Variants in LRRC9 observed in about 807,000 individuals in gnomAD.
LRRC9 encodes the protein leucine-rich repeat-containing protein 9.
Under a neutral mutation model 63.2 loss-of-function variants are expected in LRRC9, and 122 were observed. That is an observed-to-expected ratio of 1.93 (90% CI 1.67 to 2.24). The LOEUF (loss-of-function observed/expected upper bound fraction) is 2.24, where lower values mean the gene tolerates loss of function less well. LRRC9 is among the 30% of genes most tolerant of loss of function. LRRC9 has a pLI of 0.00. For synonymous variants in LRRC9, 366 were observed against 213.1 expected (o/e 1.72, Z -6.25); for missense variants, 1,071 against 627.7 (o/e 1.71, Z -7.55).
Position 59,967,076 on chromosome 14 carries a change from C to A in LRRC9, c.1389-20C>A. The A allele has an allele frequency of 1.7e-6, 1 of 601,272 alleles. No individual in the cohort carries two copies. The highest frequency in any genetic ancestry group is 3.1e-6 in the Non-Finnish European group (1 of 323,052). 37.2% of individuals were successfully genotyped at this position (601,272 alleles called of 1,614,324 possible). A position where few individuals can be genotyped will look rare whatever the true frequency, so the allele number is the denominator to read the frequency against. On this transcript the variant is annotated intron_variant, in intron 11 of 31. Transcript: ENST00000445360. ...TGTGAAATCAATCCTCAAACTTTTTCTGTTTCAATTATTCTTAAGGAGCTA... is the reference window on the plus strand; with the variant it reads ...TGTGAAATCAATCCTCAAACTTTTTATGTTTCAATTATTCTTAAGGAGCTA...
In LRRC9 at chr14:59,938,948, T is replaced by C. The variant is rs796481628; in HGVS notation, c.726+376T>C. Among the ~76,000 whole-genome samples, 899 of 144,666 alleles carry C rather than the reference T, an allele frequency of 6.2e-3. 12 individuals are homozygous for C. Among genetic ancestry groups the C allele is most frequent in the African/African-American group, 0.022 (857 of 39,226 alleles). The allele number at this position is 144,666 out of a possible 152,430, so 94.9% of individuals were successfully genotyped here. On this transcript the variant is annotated intron_variant, in intron 7 of 31. Transcript: ENST00000445360. This position sits in a 1 kb window ranked among gnomAD's most constrained non-coding sequence, Gnocchi z 4.2. Reference sequence around the variant, plus strand: ...ATATATACACATATATACATATACATACATATATACACACATATATACATA... The same window carrying C: ...ATATATACACATATATACATATACACACATATATACACACATATATACATA...
At position 60,033,585 on chromosome 14, in the gene LRRC9, T is replaced by C. The variant is rs376628851; in HGVS notation, c.3990+1522T>C. 1.9e-4 allele frequency among the ~76,000 whole-genome samples: 29 copies of C among 152,282 alleles called. No individual in the cohort carries two copies. In the East Asian group the frequency reaches 5.0e-3, roughly 26 times the overall value. On this transcript the variant is annotated intron_variant, in intron 29 of 31. Transcript: ENST00000445360. The stretch of plus-strand genomic sequence containing the variant: ...ATGGTAAATTACGTTAATAGACTAG[T>C]GTTAAACCATCTTGAAATTCCTGGG...
At chr14:60,021,707 A>T (rs1348777418) in intron 26 of LRRC9, among the ~76,000 whole-genome samples, 1 of 151,832 alleles carries the variant, frequency 6.6e-6, no homozygotes. Flanking sequence ...GTATGTGGAT[A>T]TTCAGTTGTC....
At chr14:60,015,025 CAAGTT>C (rs1222300447) in intron 23 of LRRC9, among the ~76,000 whole-genome samples, 1 of 152,040 alleles carries the variant, frequency 6.6e-6, no homozygotes, top group African/African-American at 2.4e-5. Context: ...GTTCTGTCTT[CAAGTT>C]CAGTTATTCT....
At chr14:60,037,636 G>A (rs146308449) in intron 29 of LRRC9, among the ~76,000 whole-genome samples, 1 of 152,078 alleles carries the variant, frequency 6.6e-6, no homozygotes, top group African/African-American at 2.4e-5. Context: ...TTGAAAATTT[G>A]TTTAGGTTCT....
Position 59,942,716 on chromosome 14 carries a change from A to G in LRRC9, c.727-1873A>G, listed in dbSNP as rs1881910717. Reference sequence around the variant, plus strand: ...GCACTTCAGCCTGGGTGACAGAGTGAGACTCCGTCTCAAAAAAAAGAGTTC... The same window carrying G: ...GCACTTCAGCCTGGGTGACAGAGTGGGACTCCGTCTCAAAAAAAAGAGTTC... On this transcript the variant is annotated intron_variant, in intron 7 of 31. Coordinates refer to ENST00000445360, the Ensembl canonical transcript of LRRC9. This position sits in a 1 kb window ranked among gnomAD's most constrained non-coding sequence, Gnocchi z 5.3. 6.6e-6 allele frequency among the ~76,000 whole-genome samples: 1 copy of G among 152,104 alleles called. No homozygotes were observed. Among genetic ancestry groups the G allele is most frequent in the Non-Finnish European group, 1.5e-5 (1 of 68,002 alleles).
chr14:59,966,038 A>C lies in LRRC9; in HGVS notation c.1212-551A>C, dbSNP rs187914709. On this transcript the variant is annotated intron_variant, in intron 10 of 31. Transcript: ENST00000445360. This position sits in a 1 kb window ranked among gnomAD's most constrained non-coding sequence, Gnocchi z 4.0. ...ACTCAGAGGAGCAGGTTTGGGGTGC[A>C]GTGTTAGTTATGTTAGGTTGGAGTC... Among the ~76,000 whole-genome samples the C allele has an allele frequency of 2.0e-5, 3 of 151,936 alleles. No individual in the cohort carries two copies. In the East Asian group the frequency reaches 5.8e-4, roughly 29 times the overall value.
In LRRC9 at chr14:59,938,500, A is replaced by T. The variant is rs1881294220; in HGVS notation, c.654A>T (p.Leu218Phe). The T allele has an allele frequency of 1.4e-6, 1 of 697,682 alleles. No homozygotes were observed. The highest frequency in any genetic ancestry group is 2.6e-6 in the Non-Finnish European group (1 of 382,722). The allele number at this position is 697,682 out of a possible 1,614,324, so 43.2% of individuals were successfully genotyped here. The change falls in exon 7 of 32, where the codon TTA (leucine) becomes TTT (phenylalanine). Residue 218 changes from leucine to phenylalanine, a missense_variant. Leu to Phe is a conservative substitution (Grantham distance 22, BLOSUM62 0). Transcript: ENST00000445360. This position sits in a 1 kb window ranked among gnomAD's most constrained non-coding sequence, Gnocchi z 4.2. Reference sequence around the variant, plus strand: ...TGTGTAATTATTCCACACATGTATTATATCATTTGCCTTGCCTTCAAAGAT... The same window carrying T: ...TGTGTAATTATTCCACACATGTATTTTATCATTTGCCTTGCCTTCAAAGAT...
intron 29 of LRRC9, among the ~76,000 whole-genome samples, chr14:60,046,059 T>C (rs1030972453): frequency 6.6e-6 from 1 of 152,240 alleles, no homozygotes; most frequent in Non-Finnish European, 1.5e-5. Flanking sequence ...ATCAGCCTCA[T>C]GTATGTCTGC....
At chr14:59,976,044 C>T (rs1324113946) in intron 13 of LRRC9, among the ~76,000 whole-genome samples, 3 of 152,214 alleles carry the variant, frequency 2.0e-5, no homozygotes, top group Non-Finnish European at 4.4e-5. Flanking sequence ...GGGCGCGAAC[C>T]CTATTGTGAA....
At position 60,025,275 on chromosome 14, in the gene LRRC9, CT is replaced by C. The variant is rs538190229; in HGVS notation, c.3703+2415del. Reference sequence around the variant, plus strand: ...CTGGCTAATTTTTTAATTTTTCTATCTTTTTTTTTTGATAAGGGGTCTCAAT... The same window carrying C: ...CTGGCTAATTTTTTAATTTTTCTATCTTTTTTTTTGATAAGGGGTCTCAAT... On this transcript the variant is annotated intron_variant, in intron 27 of 31. Transcript: ENST00000445360. Among the ~76,000 whole-genome samples the C allele has an allele frequency of 9.9e-3, 1,461 of 147,618 alleles. 11 individuals carry two copies. Among genetic ancestry groups the C allele is most frequent in the Non-Finnish European group, 0.014 (916 of 66,478 alleles).
At chr14:59,929,125 G>A (rs745997420) in intron 3 of LRRC9, among the ~76,000 whole-genome samples, 10 of 151,972 alleles carry the variant, frequency 6.6e-5, no homozygotes, top group African/African-American at 9.7e-5. Flanking sequence ...TATCAACAGG[G>A]TAAACAGACA....
At chr14:59,945,228 TG>T (rs1882234837) in intron 8 of LRRC9, among the ~76,000 whole-genome samples, 1 of 151,934 alleles carries the variant, frequency 6.6e-6, no homozygotes, top group African/African-American at 2.4e-5. Flanking sequence ...GTTAGTAGTA[TG>T]TATGCATTTT....
Position 59,977,224 on chromosome 14 carries a change from G to A in LRRC9, c.1640-1G>A, listed in dbSNP as rs138661438. On this transcript the variant is annotated splice_acceptor_variant, in intron 13 of 31. Coordinates refer to ENST00000445360, the Ensembl canonical transcript of LRRC9. LOFTEE classifies it high-confidence loss of function. ...AATTACTTCTGTTTTTTTATATTTA[G>A]GCATCCTCCTCATTACAAAAGTTTT... The A allele has an allele frequency of 5.7e-4, 383 of 666,104 alleles. 2 individuals are homozygous for A. In the Middle Eastern group the frequency reaches 7.0e-3, roughly 12 times the overall value. 41.3% of individuals were successfully genotyped at this position (666,104 alleles called of 1,614,324 possible).
intron 29 of LRRC9, among the ~76,000 whole-genome samples, chr14:60,036,884 T>C (rs1892484254): frequency 6.6e-6 from 1 of 152,166 alleles, no homozygotes; most frequent in South Asian, 2.1e-4. Flanking sequence ...TCATTTACAT[T>C]AGGTATATCT....
downstream of LRRC9, among the ~76,000 whole-genome samples, chr14:60,064,080 G>A (rs1894813511): frequency 6.6e-6 from 1 of 152,128 alleles, no homozygotes; most frequent in South Asian, 2.1e-4. Flanking sequence ...TACACCTACA[G>A]TGATACAAGT....
intron 24 of LRRC9, 83 bp from the exon 25 acceptor site, chr14:60,018,288 G>A (rs1019897064): frequency 3.4e-5 from 23 of 676,006 alleles, no homozygotes; most frequent in Non-Finnish European, 6.2e-5. Context: ...TGTCTTTGGT[G>A]GCTGTATGTG....
At chr14:60,039,668 G>A (rs1892770344) in intron 29 of LRRC9, among the ~76,000 whole-genome samples, 1 of 151,892 alleles carries the variant, frequency 6.6e-6, no homozygotes, top group Non-Finnish European at 1.5e-5. Flanking sequence ...TTCTTTATTA[G>A]TCTTGCTAGT....
chr14:60,041,624 T>A (rs1389122790), intron 29 of LRRC9, among the ~76,000 whole-genome samples: 2 of 152,214 alleles, frequency 1.3e-5, no homozygotes, highest in Non-Finnish European at 2.9e-5. Flanking sequence ...TATACTTTTA[T>A]TCTAGTTAGC....
Sources: gnomAD v4.1 joint callset for allele counts (sites outside exome capture counted in the v4.1 genomes callset) on GRCh38, gnomAD v4.1.1 for gene constraint, Gnocchi (gnomAD v3.1) non-coding constraint, MANE v1.5 for transcripts, NCBI Gene and HGNC (gene_info 2026-07-23, HGNC 2026-07-21) for gene names.